CNTNAP5: variants seen among roughly 807,000 people sequenced by gnomAD.
CNTNAP5 encodes the protein contactin-associated protein-like 5.
A neutral mutation model predicts 150.2 loss-of-function variants in CNTNAP5; 72 were observed. The observed-to-expected ratio is 0.48, with a 90% CI of 0.40 to 0.58. The LOEUF is 0.58. Ranked by LOEUF, CNTNAP5 falls within the 20% of genes least tolerant of loss-of-function variation. The probability of loss-of-function intolerance (pLI) is 0.00; values close to 1 mark genes in which losing one functional copy is unlikely to be tolerated. For synonymous variants in CNTNAP5, 672 were observed against 619.8 expected, an observed-to-expected ratio of 1.08 and a Z score of -1.25; for missense variants, 1,636 against 1,626.2, an observed-to-expected ratio of 1.01 and a Z score of -0.10.
chr2:124,903,385 C>T (rs1678455100), intron 22 of CNTNAP5, among the ~76,000 whole-genome samples: 2 of 151,844 alleles, frequency 1.3e-5, no homozygotes, highest in African/African-American at 4.8e-5. Context: ...TGTTTGTATA[C>T]ATAGTCACTA....
intron 1 of CNTNAP5, among the ~76,000 whole-genome samples, chr2:124,219,379 A>G (rs1047877040): frequency 2.0e-5 from 3 of 152,188 alleles, no homozygotes; most frequent in Non-Finnish European, 2.9e-5. Context: ...TAATAAATAC[A>G]TAACTACTAT....
chr2:124,169,111 A>G (rs947344985), intron 1 of CNTNAP5, among the ~76,000 whole-genome samples: 1 of 151,892 alleles, frequency 6.6e-6, no homozygotes, highest in African/African-American at 2.4e-5. Context: ...TCAATTCACA[A>G]ACCTGTCTTC....
At chr2:124,608,103 A>T (rs1213277688) in intron 11 of CNTNAP5, among the ~76,000 whole-genome samples, 1 of 152,208 alleles carries the variant, frequency 6.6e-6, no homozygotes, top group Admixed American at 6.5e-5. Flanking sequence ...TGATCATGAC[A>T]AACTGCAGCT....
At chr2:124,786,423 G>A (rs1431713437) in intron 17 of CNTNAP5, among the ~76,000 whole-genome samples, 120 of 108,206 alleles carry the variant, frequency 1.1e-3, no homozygotes, top group African/African-American at 4.4e-3. Flanking sequence ...AGGAAGGAAG[G>A]AAGGAAGGAA....
intron 21 of CNTNAP5, among the ~76,000 whole-genome samples, chr2:124,900,581 A>T (rs1219762542): frequency 6.6e-6 from 1 of 151,410 alleles, no homozygotes; most frequent in South Asian, 2.1e-4. Context: ...ATTTGCTGGC[A>T]TTTCCCCCGA....
At chr2:124,699,580 C>A (rs1679476204) in intron 13 of CNTNAP5, among the ~76,000 whole-genome samples, 1 of 152,168 alleles carries the variant, frequency 6.6e-6, no homozygotes, top group Non-Finnish European at 1.5e-5. Flanking sequence ...TGTGCCACCA[C>A]CCACCAACCT....
rs577896919 is a variant in CNTNAP5 at position 124,713,260 on chromosome 2, T to C, written c.2078-33969T>C. ...CTTTCTTTCTCTTTCTTTCTTTCTT[T>C]CTTTCTTTCTTTCTTTCTTTCTTTC... On this transcript the variant is annotated intron_variant, in intron 13 of 23. Coordinates refer to ENST00000682447, the MANE Select transcript of CNTNAP5 (RefSeq NM_001367498.1). 3.5e-3 allele frequency among the ~76,000 whole-genome samples: 425 copies of C among 119,788 alleles called. 22 individuals are homozygous for C. Among genetic ancestry groups the C allele is most frequent in the African/African-American group, 0.011 (403 of 35,638 alleles). 78.6% of individuals were successfully genotyped at this position (119,788 alleles called of 152,430 possible).
chr2:124,188,218 C>T (rs986296568), intron 1 of CNTNAP5, among the ~76,000 whole-genome samples: 2 of 152,024 alleles, frequency 1.3e-5, no homozygotes, highest in Non-Finnish European at 2.9e-5. Context: ...GAGGTATCAA[C>T]GATTCACCAT....
At chr2:124,145,940 A>T (rs1008718918) in intron 1 of CNTNAP5, among the ~76,000 whole-genome samples, 41 of 151,930 alleles carry the variant, frequency 2.7e-4, no homozygotes, top group African/African-American at 9.4e-4. Flanking sequence ...ATACACAGCT[A>T]ATGAAAATTT....
At chr2:124,552,125 A>G (rs1224552253) in intron 10 of CNTNAP5, among the ~76,000 whole-genome samples, 1 of 152,196 alleles carries the variant, frequency 6.6e-6, no homozygotes, top group Admixed American at 6.5e-5. Flanking sequence ...ATGAATGGTG[A>G]TCATGAGGAG....
At chr2:124,441,557 T>C (rs1342564904) in intron 5 of CNTNAP5, among the ~76,000 whole-genome samples, 1 of 152,062 alleles carries the variant, frequency 6.6e-6, no homozygotes, top group African/African-American at 2.4e-5. Flanking sequence ...AATATTACTT[T>C]TAATTTTATC....
At chr2:124,449,415 G>T (rs981779590) in intron 6 of CNTNAP5, among the ~76,000 whole-genome samples, 1 of 152,082 alleles carries the variant, frequency 6.6e-6, no homozygotes, top group Admixed American at 6.5e-5. Flanking sequence ...TCATCTGGAA[G>T]TCTCGTCATT....
chr2:124,075,496 G>A (rs1682416517), intron 1 of CNTNAP5, among the ~76,000 whole-genome samples: 1 of 152,066 alleles, frequency 6.6e-6, no homozygotes, highest in African/African-American at 2.4e-5. Context: ...CATGTCTACA[G>A]TCCCTTGAAT....
intron 1 of CNTNAP5, among the ~76,000 whole-genome samples, chr2:124,191,766 T>C (rs1685462020): frequency 6.6e-6 from 1 of 151,850 alleles, no homozygotes. Context: ...AATACAAAAA[T>C]TAGCTGGGCA....
chr2:124,918,379 T>C lies in CNTNAP5; in HGVS notation c.*4091T>C, dbSNP rs981547111. Among the ~76,000 whole-genome samples, 1 of 152,034 alleles carries C rather than the reference T, an allele frequency of 6.6e-6. No homozygotes were observed. The highest frequency in any genetic ancestry group is 1.9e-4 in the East Asian group (1 of 5,170). On this transcript the variant is annotated 3_prime_UTR_variant, in exon 24 of 24. Transcript: ENST00000682447. ...TGAAGTCTACCCTTCCATCAGTAATTGACTAAAAAAATGTTGTCCATTTAT... is the reference window on the plus strand; with the variant it reads ...TGAAGTCTACCCTTCCATCAGTAATCGACTAAAAAAATGTTGTCCATTTAT...
intron 13 of CNTNAP5, among the ~76,000 whole-genome samples, chr2:124,676,793 C>T (rs1678948776): frequency 6.6e-6 from 1 of 152,198 alleles, no homozygotes; most frequent in African/African-American, 2.4e-5. Flanking sequence ...TACTGAGATT[C>T]AGCTATTTTT....
chr2:124,032,563 C>T (rs1003515553), intron 1 of CNTNAP5, among the ~76,000 whole-genome samples: 1 of 151,622 alleles, frequency 6.6e-6, no homozygotes, highest in Non-Finnish European at 1.5e-5. Flanking sequence ...TCTGAATCTA[C>T]AAAAGTTACA....
In CNTNAP5 at chr2:124,444,374, A is replaced by G. The variant is rs369833734; in HGVS notation, c.734-2379A>G. Among the ~76,000 whole-genome samples, 29 of 152,202 alleles carry G rather than the reference A, an allele frequency of 1.9e-4. 1 individual carries two copies. In the South Asian group the frequency reaches 3.9e-3, roughly 21 times the overall value. On this transcript the variant is annotated intron_variant, in intron 5 of 23. Transcript: ENST00000682447. ...CTTTGGGAAGTCGGGGCAGCAGATC[A>G]CTTGAGGTCAGGAGTTCAAGACCAG...
chr2:124,310,120 T>C (rs1227141151), intron 3 of CNTNAP5, among the ~76,000 whole-genome samples: 1 of 152,072 alleles, frequency 6.6e-6, no homozygotes, highest in Non-Finnish European at 1.5e-5. Flanking sequence ...TGTTAGTTTA[T>C]GCATAAGAAT....
Sources: allele counts gnomAD v4.1 joint callset (sites outside exome capture counted in the v4.1 genomes callset), GRCh38; gene constraint gnomAD v4.1.1; transcripts MANE v1.5; gene names NCBI Gene and HGNC (gene_info 2026-07-23, HGNC 2026-07-21).